Variants in RPL10A observed in about 807,000 individuals in gnomAD.
The protein encoded by RPL10A is large ribosomal subunit protein uL1.
Under a neutral mutation model 24.6 loss-of-function variants are expected in RPL10A, and 11 were observed. That is an observed-to-expected ratio of 0.45 (90% CI 0.28 to 0.74). The LOEUF (loss-of-function observed/expected upper bound fraction) is 0.74. RPL10A is among the 30% of genes least tolerant of loss of function. The pLI is 0.13. For missense variants in RPL10A, 136 were observed against 273.1 expected (o/e 0.50, Z 3.54); for synonymous variants, 98 against 108.5 (o/e 0.90, Z 0.60).
intron 3 of RPL10A, 44 bp downstream of exon 3, chr6:35,469,071 C>T: frequency 1.2e-6 from 2 of 1,606,122 alleles, no homozygotes; most frequent in African/African-American, 1.3e-5. Flanking sequence ...TGCCCCCGTG[C>T]TTGCCCCTCC....
At chr6:35,469,143 G>T in intron 3 of RPL10A, 116 bp downstream of exon 3, 1 of 1,512,912 alleles carries the variant, frequency 6.6e-7, no homozygotes, top group Non-Finnish European at 8.8e-7. Context: ...GGGTAGTTCA[G>T]ACCCCCTGCT....
In RPL10A at chr6:35,470,470, G is replaced by T; in HGVS notation, c.484-110G>T. ...GGATTGAAACTTTTGGAGTAACCCT[G>T]GTCTTGGCCCGGGTCCAAGTACCTG... On this transcript the variant is annotated intron_variant, in intron 5 of 5. Transcript: ENST00000322203. The surrounding 1 kb of genome is among the most constrained non-coding windows in gnomAD (Gnocchi z 4.6). The T allele has an allele frequency of 6.7e-7, 1 of 1,494,728 alleles. No homozygotes were observed. 92.6% of individuals were successfully genotyped at this position (1,494,728 alleles called of 1,614,324 possible). A position where few individuals can be genotyped will look rare whatever the true frequency, so the allele number is the denominator to read the frequency against.
In RPL10A at chr6:35,468,763, C is replaced by T. The variant is rs533025845; in HGVS notation, c.6-36C>T. 9 of 1,559,526 alleles carry T rather than the reference C, an allele frequency of 5.8e-6. No homozygotes were observed. The Admixed American group carries it at 1.7e-4, about 30-fold the overall frequency. On this transcript the variant is annotated intron_variant, in intron 1 of 5. Coordinates refer to ENST00000322203, the MANE Select transcript of RPL10A (RefSeq NM_007104.5). ...CCAGGCAGTCCGAGCGTGTGGACTC[C>T]GCGGCCCTGAGCGCCCTGTCGCTTC... is the stretch of plus-strand genomic sequence containing the variant.
intron 3 of RPL10A, 103 bp downstream of exon 3, chr6:35,469,130 C>A (rs1290461827): frequency 1.9e-6 from 3 of 1,545,652 alleles, no homozygotes; most frequent in Admixed American, 1.9e-5. Flanking sequence ...TACTGATGTG[C>A]TAGGGTAGTT....
In RPL10A at chr6:35,469,453, G is replaced by A. The variant is rs1201727630; in HGVS notation, c.234G>A (p.Lys78=). 4.3e-6 allele frequency: 7 copies of A among 1,613,718 alleles called. No homozygotes were observed. The highest frequency in any genetic ancestry group is 1.1e-5 in the South Asian group (1 of 91,062). The change falls in exon 4 of 6, where the codon AAG becomes AAA. Residue 78 remains lysine, a synonymous_variant. Transcript: ENST00000322203. ...ACCAGCAGCACTGTGACGAGGCTAA[G>A]GCCGTGGATATCCCCCACATGGACA... The part of the protein sequence containing the change: ...LGDQQHCDEA[K]AVDIPHMDIE...
At chr6:35,469,285 G>GTGAAT (rs1338422445) in intron 3 of RPL10A, 96 bp from the exon 4 acceptor site, 1 of 1,510,032 alleles carries the variant, frequency 6.6e-7, no homozygotes, top group African/African-American at 1.4e-5. Context: ...GAACGCTCCG[G>GTGAAT]GTAAGGCTCG....
intron 3 of RPL10A, 156 bp downstream of exon 3, chr6:35,469,183 C>T (rs1294162554): frequency 1.4e-5 from 20 of 1,466,402 alleles, no homozygotes; most frequent in Non-Finnish European, 1.8e-5. Context: ...CGGACCCCCA[C>T]CCTGGGTCTT....
In RPL10A at chr6:35,468,706, C is replaced by T. The variant is rs45557736; in HGVS notation, c.6-93C>T. On this transcript the variant is annotated intron_variant, in intron 1 of 5. Coordinates refer to ENST00000322203, the MANE Select transcript of RPL10A (RefSeq NM_007104.5). ...ACGGGGGAGTCCGCCGTGGGCCGCC[C>T]GCCCGTCTCGAAGCCTAGACCTCGG... The T allele has an allele frequency of 2.0e-3, 3,068 of 1,536,340 alleles. 55 individuals carry two copies. The African/African-American group carries it at 0.036, about 18-fold the overall frequency.
At position 35,469,032 on chromosome 6, in the gene RPL10A, G is replaced by A. The variant is rs1309180805; in HGVS notation, c.161+5G>A. On this transcript the variant is annotated splice_donor_5th_base_variant and intron_variant, in intron 3 of 5. Coordinates refer to ENST00000322203, the MANE Select transcript of RPL10A (RefSeq NM_007104.5). ...GCGCTTCTCGGGCACCGTCAGGTTG[G>A]CACCGTTCTGATCCCACCCAGCCCT... 6.2e-7 allele frequency: 1 copy of A among 1,611,852 alleles called. No homozygotes were observed. Among genetic ancestry groups the A allele is most frequent in the Admixed American group, 1.7e-5 (1 of 60,008 alleles).
Position 35,470,119 on chromosome 6 carries a change from T to G in RPL10A, c.311-60T>G. The G allele has an allele frequency of 6.5e-7, 1 of 1,528,022 alleles. No homozygotes were observed. The highest frequency in any genetic ancestry group is 9.0e-7 in the Non-Finnish European group (1 of 1,116,894). The allele number at this position is 1,528,022 out of a possible 1,614,324, so 94.7% of individuals were successfully genotyped here. On this transcript the variant is annotated intron_variant, in intron 4 of 5. Transcript: ENST00000322203. The surrounding 1 kb of genome is among the most constrained non-coding windows in gnomAD (Gnocchi z 4.6). ...CAAGTGCGTTTCTGGCCTGCCACAT[T>G]TGAGGTGTGCCTTGGTGACCAGGTT... is the stretch of plus-strand genomic sequence containing the variant.
chr6:35,468,657 C>G, intron 1 of RPL10A, 142 bp from the exon 2 acceptor site: 1 of 1,514,022 alleles, frequency 6.6e-7, no homozygotes, highest in Non-Finnish European at 8.8e-7. Flanking sequence ...GAGCTCCCGT[C>G]GCTCTACTTG....
In RPL10A at chr6:35,470,380, TGAA is replaced by T. The variant is rs1210975811; in HGVS notation, c.483+31_483+33del. On this transcript the variant is annotated intron_variant, in intron 5 of 5. Coordinates refer to ENST00000322203, the MANE Select transcript of RPL10A (RefSeq NM_007104.5). The surrounding 1 kb of genome is among the most constrained non-coding windows in gnomAD (Gnocchi z 4.6). Reference sequence around the variant, plus strand: ...AGTGGGTCTGGCGGGTTGCTATGGGTGAAGGTGTTGGCAGGGTCTAAATCTTAT... The same window carrying T: ...AGTGGGTCTGGCGGGTTGCTATGGGTGGTGTTGGCAGGGTCTAAATCTTAT... 6.3e-7 allele frequency: 1 copy of T among 1,593,166 alleles called. No individual in the cohort carries two copies.
chr6:35,470,453 ACTTTTGGAGTAACCCTGGT>A lies in RPL10A; in HGVS notation c.483+106_484-105del, dbSNP rs1238558240. On this transcript the variant is annotated intron_variant, in intron 5 of 5. Coordinates refer to ENST00000322203, the MANE Select transcript of RPL10A (RefSeq NM_007104.5). This position sits in a 1 kb window ranked among gnomAD's most constrained non-coding sequence, Gnocchi z 4.6. ...AGTAAGAGCACCCACCAGGATTGAAACTTTTGGAGTAACCCTGGTCTTGGCCCGGGTCCAAGTACCTGCT... is the reference window on the plus strand; with the variant it reads ...AGTAAGAGCACCCACCAGGATTGAAACTTGGCCCGGGTCCAAGTACCTGCT... 5 of 1,501,832 alleles carry A rather than the reference ACTTTTGGAGTAACCCTGGT, an allele frequency of 3.3e-6. No individual in the cohort carries two copies. Among genetic ancestry groups the A allele is most frequent in the Non-Finnish European group, 4.5e-6 (5 of 1,105,900 alleles). The allele number at this position is 1,501,832 out of a possible 1,614,324, so 93.0% of individuals were successfully genotyped here.
chr6:35,468,535 G>A, intron 1 of RPL10A, 96 bp downstream of exon 1: 1 of 1,608,456 alleles, frequency 6.2e-7, no homozygotes, highest in Non-Finnish European at 8.5e-7. Context: ...GGACCCTTGC[G>A]CCACCTGCGC....
Position 35,468,410 on chromosome 6 carries a change from T to TCC in RPL10A, c.-24_-23dup. 2 of 1,614,070 alleles carry TCC rather than the reference T, an allele frequency of 1.2e-6. No individual in the cohort carries two copies. Among genetic ancestry groups the TCC allele is most frequent in the Non-Finnish European group, 1.7e-6 (2 of 1,179,934 alleles). ...ATGCGCAAGACATGCTAGTCTCTTT[T>TCC]CCGGTTAGCGCGGCGTGAGAAGCCA... On this transcript the variant is annotated 5_prime_UTR_variant, in exon 1 of 6. Coordinates refer to ENST00000322203, the MANE Select transcript of RPL10A (RefSeq NM_007104.5).
chr6:35,468,718 A>G, intron 1 of RPL10A, 81 bp from the exon 2 acceptor site: 1 of 1,542,442 alleles, frequency 6.5e-7, no homozygotes, highest in Non-Finnish European at 8.7e-7. Context: ...CCCGTCTCGA[A>G]GCCTAGACCT....
In RPL10A at chr6:35,470,146, T is replaced by C; in HGVS notation, c.311-33T>C. On this transcript the variant is annotated intron_variant, in intron 4 of 5. Coordinates refer to ENST00000322203, the MANE Select transcript of RPL10A (RefSeq NM_007104.5). The surrounding 1 kb of genome is among the most constrained non-coding windows in gnomAD (Gnocchi z 4.6). ...GAGGTGTGCCTTGGTGACCAGGTTCTAAGCAATGCCAATGGCTTCCTCTCT... is the reference window on the plus strand; with the variant it reads ...GAGGTGTGCCTTGGTGACCAGGTTCCAAGCAATGCCAATGGCTTCCTCTCT... The C allele has an allele frequency of 6.2e-7, 1 of 1,600,980 alleles. No individual in the cohort carries two copies. The highest frequency in any genetic ancestry group is 1.3e-5 in the African/African-American group (1 of 74,794).
intron 3 of RPL10A, 75 bp downstream of exon 3, chr6:35,469,102 C>T (rs752779170): frequency 1.9e-6 from 3 of 1,588,074 alleles, no homozygotes; most frequent in Admixed American, 3.5e-5. Flanking sequence ...CCCGCTGAGC[C>T]GGAGGCGGGC....
intron 3 of RPL10A, 108 bp from the exon 4 acceptor site, chr6:35,469,271 ATG>A: frequency 6.6e-7 from 1 of 1,506,570 alleles, no homozygotes; most frequent in Non-Finnish European, 8.8e-7. Flanking sequence ...CTGCTGGTGA[ATG>A]TGAACGCTCC....
Sources: allele counts gnomAD v4.1 joint callset, GRCh38; gene constraint gnomAD v4.1.1; non-coding constraint Gnocchi (gnomAD v3.1); transcripts MANE v1.5; gene names NCBI Gene and HGNC (gene_info 2026-07-23, HGNC 2026-07-21).